The following SCP2 variants were observed in gnomAD, a reference collection of about 807,000 sequenced individuals.
The protein encoded by SCP2 is SCP-2/3-oxoacyl-CoA thiolase.
SCP2 carries 48 observed loss-of-function variants against 71.4 expected under a neutral mutation model. The ratio of observed to expected loss-of-function variants is 0.67; its 90% CI spans 0.53 to 0.86. The LOEUF is 0.86. Ranked by LOEUF, SCP2 falls within the 40% of genes least tolerant of loss-of-function variation. The pLI, the probability that SCP2 is intolerant of heterozygous loss-of-function variation, is 0.00. For missense variants in SCP2, 560 were observed against 655.6 expected (o/e 0.85, Z 1.59); for synonymous variants, 220 against 218.1 (o/e 1.01, Z -0.08).
At chr1:52,990,359 C>T (rs1213662163) in intron 11 of SCP2, among the ~76,000 whole-genome samples, 1 of 151,770 alleles carries the variant, frequency 6.6e-6, no homozygotes, top group Non-Finnish European at 1.5e-5. Context: ...CCTGAGGAAG[C>T]CAAAACATTG....
intron 5 of SCP2, among the ~76,000 whole-genome samples, chr1:52,955,440 A>G (rs767516155): frequency 6.6e-6 from 1 of 152,244 alleles, no homozygotes; most frequent in Non-Finnish European, 1.5e-5. Flanking sequence ...CTCTTTGGGT[A>G]GGATGAACCT....
intron 1 of SCP2, 30 bp downstream of exon 1, chr1:52,927,495 C>G (rs752248876): frequency 7.7e-6 from 12 of 1,557,034 alleles, no homozygotes; most frequent in Non-Finnish European, 1.0e-5. Flanking sequence ...TGCTGGCCCT[C>G]TGAGGCTCGG....
At chr1:53,037,924 ACACACAGATC>A (rs1260618042) in intron 13 of SCP2, among the ~76,000 whole-genome samples, 3 of 130,208 alleles carry the variant, frequency 2.3e-5, no homozygotes, top group African/African-American at 5.6e-5. Context: ...ACACACACAC[ACACACAGATC>A]CAGATCCTGT....
At chr1:52,979,428 G>T (rs1658283955) in intron 9 of SCP2, among the ~76,000 whole-genome samples, 1 of 149,916 alleles carries the variant, frequency 6.7e-6, no homozygotes, top group Non-Finnish European at 1.5e-5. Flanking sequence ...CGATTCACCT[G>T]CCTCGGCCTC....
intron 6 of SCP2, chr1:52,963,696 C>T (rs1012253212): frequency 2.6e-5 from 4 of 152,094 alleles, no homozygotes; most frequent in African/African-American, 9.7e-5. Context: ...ATTTTACACA[C>T]CAAATATAAC....
At chr1:52,945,130 G>C (rs1184081089) in intron 2 of SCP2, among the ~76,000 whole-genome samples, 1 of 151,950 alleles carries the variant, frequency 6.6e-6, no homozygotes, top group East Asian at 1.9e-4. Flanking sequence ...TTCTATTTTA[G>C]CATTTTTCCC....
chr1:52,927,765 G>T (rs900316088), intron 1 of SCP2, among the ~76,000 whole-genome samples: 1 of 152,124 alleles, frequency 6.6e-6, no homozygotes, highest in Non-Finnish European at 1.5e-5. Flanking sequence ...GGGCTGGCTT[G>T]CCCCGGAGGG....
chr1:53,045,474 A>G (rs6588461), intron 14 of SCP2, among the ~76,000 whole-genome samples: 47,742 of 151,908 alleles, frequency 0.31, 12,467 homozygotes, highest in African/African-American at 0.71. Flanking sequence ...TCAATCTGGG[A>G]GCCTGATGAA....
At chr1:53,047,429 A>T (rs1663891878) in intron 14 of SCP2, among the ~76,000 whole-genome samples, 1 of 152,202 alleles carries the variant, frequency 6.6e-6, no homozygotes, top group Non-Finnish European at 1.5e-5. Context: ...TTAGTAATAT[A>T]TTGGTGTCTT....
At chr1:53,042,189 G>A (rs1014121413) in intron 14 of SCP2, among the ~76,000 whole-genome samples, 4 of 151,492 alleles carry the variant, frequency 2.6e-5, no homozygotes, top group Admixed American at 6.6e-5. Flanking sequence ...ACTCTAAGGT[G>A]GTGTACAAAG....
chr1:52,959,256 T>C (rs6588445), intron 5 of SCP2, among the ~76,000 whole-genome samples: 88,823 of 151,356 alleles, frequency 0.59, 28,616 homozygotes, highest in East Asian at 0.98. Flanking sequence ...AGTACAATGG[T>C]GCAGTCTTGG....
At chr1:52,968,186 C>G (rs2150153349) in intron 6 of SCP2, among the ~76,000 whole-genome samples, 1 of 152,292 alleles carries the variant, frequency 6.6e-6, no homozygotes, top group East Asian at 1.9e-4. Flanking sequence ...AGGTGATCGG[C>G]CCGTCTTGGC....
intron 13 of SCP2, among the ~76,000 whole-genome samples, chr1:53,033,822 TAGG>T (rs1236190000): frequency 1.3e-5 from 2 of 152,082 alleles, no homozygotes; most frequent in African/African-American, 4.8e-5. Context: ...CAAAAGAAAT[TAGG>T]AGCCTATGTT....
At chr1:52,999,241 C>T (rs1353377079) in intron 11 of SCP2, among the ~76,000 whole-genome samples, 1 of 152,102 alleles carries the variant, frequency 6.6e-6, no homozygotes, top group African/African-American at 2.4e-5. Context: ...GTAATGTGCC[C>T]CAAGACAGAA....
intron 10 of SCP2, among the ~76,000 whole-genome samples, chr1:52,983,519 T>C (rs932101222): frequency 4.6e-5 from 7 of 152,224 alleles, no homozygotes; most frequent in Non-Finnish European, 1.0e-4. Context: ...CCCTTTTCTC[T>C]CTGTTCTTCA....
rs578133385 is a variant in SCP2, at chr1:52,987,730, G to A, written c.974-299G>A. 2.6e-5 allele frequency among the ~76,000 whole-genome samples: 4 copies of A among 152,216 alleles called. No individual in the cohort carries two copies. In the South Asian group the frequency reaches 6.2e-4, roughly 24 times the overall value. On this transcript the variant is annotated intron_variant, in intron 10 of 15. Transcript: ENST00000371514. Reference sequence around the variant, plus strand: ...AAAGCTGACAGTTATTTTAGTTATAGCATTATATCCATTTCAGTTCTATTC... The same window carrying A: ...AAAGCTGACAGTTATTTTAGTTATAACATTATATCCATTTCAGTTCTATTC...
At chr1:53,039,775 C>T (rs1030917768) in intron 14 of SCP2, among the ~76,000 whole-genome samples, 1 of 152,210 alleles carries the variant, frequency 6.6e-6, no homozygotes, top group African/African-American at 2.4e-5. Flanking sequence ...TAACTAGTCC[C>T]ATGCTTTGAA....
chr1:53,013,548 T>C (rs1483752845), intron 11 of SCP2, among the ~76,000 whole-genome samples: 2 of 151,638 alleles, frequency 1.3e-5, no homozygotes, highest in African/African-American at 2.4e-5. Flanking sequence ...TGAGCCAAGA[T>C]CGTGCCACTG....
intron 5 of SCP2, among the ~76,000 whole-genome samples, chr1:52,960,648 GTA>G (rs201934454): frequency 0.031 from 4,544 of 147,416 alleles, 232 homozygotes; most frequent in African/African-American, 0.11. Context: ...ATATATGTAT[GTA>G]TATATGTGTA....
Sources: allele counts gnomAD v4.1 joint callset (sites outside exome capture counted in the v4.1 genomes callset), GRCh38; gene constraint gnomAD v4.1.1; transcripts MANE v1.5; gene names NCBI Gene and HGNC (gene_info 2026-07-23, HGNC 2026-07-21).